Variants in CCDC181 observed in about 807,000 individuals in gnomAD.
CCDC181 encodes coiled-coil domain containing 181.
In CCDC181, 35 loss-of-function variants were observed where a neutral mutation model predicts 58.7. The observed-to-expected ratio is 0.60, with a 90% CI of 0.46 to 0.79. The LOEUF is 0.79. CCDC181 is among the 30% of genes least tolerant of loss of function. CCDC181 has a pLI of 0.00. For synonymous variants in CCDC181, 183 were observed against 197.5 expected (o/e 0.93, Z 0.62); for missense variants, 517 against 583.9 (o/e 0.89, Z 1.18).
chr1:169,438,484 G>T (rs551551949), intron 2 of CCDC181, among the ~76,000 whole-genome samples: 1 of 152,134 alleles, frequency 6.6e-6, no homozygotes, highest in Non-Finnish European at 1.5e-5. Context: ...GAAGCCATAG[G>T]CAAAAGATTC....
Position 169,419,075 on chromosome 1 carries a change from C to G in CCDC181, c.1153G>C (p.Glu385Gln). The G allele has an allele frequency of 6.2e-7, 1 of 1,613,748 alleles. No individual in the cohort carries two copies. The highest frequency in any genetic ancestry group is 8.5e-7 in the Non-Finnish European group (1 of 1,179,942). The change falls in exon 4 of 6, where the codon GAG (glutamate) becomes CAG (glutamine). Residue 385 changes from glutamate to glutamine, a missense_variant. Glu to Gln is a conservative substitution (Grantham distance 29). Coordinates refer to ENST00000367806, the MANE Select transcript of CCDC181 (RefSeq NM_001300969.2). ...VFKAWLQKKREQVLEMRRIQR... is the reference protein window; with the variant it reads ...VFKAWLQKKRQQVLEMRRIQR... ...ATTCTCCTCATTTCTAAGACCTGCT[C>G]TCTTTTCTTTTGCAACCACGCTTTA... is the stretch of plus-strand genomic sequence containing the variant.
At chr1:169,438,298 C>T (rs981771520) in intron 2 of CCDC181, among the ~76,000 whole-genome samples, 6 of 151,930 alleles carry the variant, frequency 3.9e-5, no homozygotes, top group Non-Finnish European at 8.8e-5. Context: ...CACAGAGAGA[C>T]CAGAAACTCG....
rs533223172 is a variant in CCDC181, at chr1:169,447,829, T to C, written c.-24+11968A>G. On this transcript the variant is annotated intron_variant, in intron 2 of 6. Coordinates refer to the CCDC181 transcript ENST00000545005. ...CAATATAGCTACTTCATCTTTCTTTTGTTAAGTGTTAGCATAGTATATCTT... is the reference window on the plus strand; with the variant it reads ...CAATATAGCTACTTCATCTTTCTTTCGTTAAGTGTTAGCATAGTATATCTT... Among the ~76,000 whole-genome samples the C allele has an allele frequency of 2.6e-5, 4 of 152,306 alleles. No homozygotes were observed. The South Asian group carries it at 8.3e-4, about 32-fold the overall frequency.
chr1:169,415,206 C>A lies in CCDC181; in HGVS notation c.1215+3807G>T, dbSNP rs555660551. On this transcript the variant is annotated intron_variant, in intron 4 of 5. Transcript: ENST00000367806. ...TTAAAAAATTATAATACTTGGAATG[C>A]CATGAGGCCTGAAGGCCCATCATCG... Among the ~76,000 whole-genome samples the A allele has an allele frequency of 2.0e-5, 3 of 152,290 alleles. No individual in the cohort carries two copies. In the East Asian group the frequency reaches 5.8e-4, roughly 29 times the overall value.
intron 2 of CCDC181, among the ~76,000 whole-genome samples, chr1:169,437,587 A>T (rs564188558): frequency 1.1e-4 from 16 of 152,248 alleles, no homozygotes; most frequent in African/African-American, 3.6e-4. Context: ...TGGGTTTTAT[A>T]ACATGTTAAT....
chr1:169,404,007 A>G (rs1354954812), intron 4 of CCDC181, among the ~76,000 whole-genome samples: 2 of 152,236 alleles, frequency 1.3e-5, no homozygotes, highest in Admixed American at 6.5e-5. Flanking sequence ...AGAAATACAA[A>G]CTACCATCAG....
intron 4 of CCDC181, among the ~76,000 whole-genome samples, chr1:169,411,832 T>G (rs1361786486): frequency 6.6e-6 from 1 of 152,204 alleles, no homozygotes; most frequent in African/African-American, 2.4e-5. Flanking sequence ...TCAACAGCAC[T>G]TCATGCTAAA....
At chr1:169,451,896 C>T (rs1158398363) in intron 2 of CCDC181, among the ~76,000 whole-genome samples, 1 of 152,016 alleles carries the variant, frequency 6.6e-6, no homozygotes, top group Non-Finnish European at 1.5e-5. Flanking sequence ...AGAGAACCAG[C>T]GTGGGTGACC....
At chr1:169,427,057 T>G (rs1656740711) in intron 1 of CCDC181, among the ~76,000 whole-genome samples, 1 of 152,050 alleles carries the variant, frequency 6.6e-6, no homozygotes, top group South Asian at 2.1e-4. Context: ...TCTAAGCTAC[T>G]CTCAGACGAG....
At chr1:169,435,372 G>C (rs1252224148) in intron 2 of CCDC181, among the ~76,000 whole-genome samples, 1 of 152,080 alleles carries the variant, frequency 6.6e-6, no homozygotes, top group African/African-American at 2.4e-5. Flanking sequence ...AAGTTGAATT[G>C]TATGGTATTA....
chr1:169,441,190 G>A (rs78483993), intron 2 of CCDC181, among the ~76,000 whole-genome samples: 6,806 of 152,158 alleles, frequency 0.045, 213 homozygotes, highest in East Asian at 0.12. Context: ...AGTCTTTAAT[G>A]AATATTTATT....
intron 4 of CCDC181, among the ~76,000 whole-genome samples, chr1:169,408,976 C>T (rs1367214877): frequency 6.6e-6 from 1 of 152,206 alleles, no homozygotes; most frequent in East Asian, 1.9e-4. Flanking sequence ...CAGAATGCCT[C>T]TTCTCCTCCA....
chr1:169,398,294 T>C (rs1406436421), intron 4 of CCDC181, among the ~76,000 whole-genome samples: 3 of 152,214 alleles, frequency 2.0e-5, no homozygotes, highest in Admixed American at 2.0e-4. Context: ...GAGAGGATTT[T>C]TGAATGTTCT....
At chr1:169,417,234 T>C (rs1275616190) in intron 4 of CCDC181, among the ~76,000 whole-genome samples, 1 of 152,168 alleles carries the variant, frequency 6.6e-6, no homozygotes, top group Non-Finnish European at 1.5e-5. Context: ...TCCCTCAAGA[T>C]TGCCTCCACT....
intron 1 of CCDC181, among the ~76,000 whole-genome samples, chr1:169,425,217 T>C (rs1656663357): frequency 6.6e-6 from 1 of 152,092 alleles, no homozygotes; most frequent in South Asian, 2.1e-4. Context: ...CAAGATAAAG[T>C]TAATTTTTGG....
At chr1:169,438,782 T>C (rs1186790170) in intron 2 of CCDC181, among the ~76,000 whole-genome samples, 4 of 152,130 alleles carry the variant, frequency 2.6e-5, no homozygotes, top group Admixed American at 1.3e-4. Context: ...GATCACCAAA[T>C]GTGACCAGAT....
intron 2 of CCDC181, among the ~76,000 whole-genome samples, chr1:169,445,190 G>C (rs369250704): frequency 6.6e-6 from 1 of 152,146 alleles, no homozygotes; most frequent in East Asian, 1.9e-4. Context: ...GTTCAGATGA[G>C]AGTGGATATT....
At chr1:169,457,170 T>C (rs1005599408) in intron 2 of CCDC181, among the ~76,000 whole-genome samples, 1 of 152,186 alleles carries the variant, frequency 6.6e-6, no homozygotes. Context: ...GCTTTTATGA[T>C]CTTCTCCTTG....
intron 1 of CCDC181, among the ~76,000 whole-genome samples, chr1:169,426,928 A>T (rs1374268870): frequency 6.6e-6 from 1 of 152,228 alleles, no homozygotes; most frequent in East Asian, 1.9e-4. Context: ...AACGAAATGA[A>T]TACCATTGCC....
Sources: allele counts gnomAD v4.1 joint callset (sites outside exome capture counted in the v4.1 genomes callset), GRCh38; gene constraint gnomAD v4.1.1; transcripts MANE v1.5; gene names NCBI Gene and HGNC (gene_info 2026-07-23, HGNC 2026-07-21).